The following ZNF346 variants were observed in gnomAD, a reference collection of about 807,000 sequenced individuals.
ZNF346 encodes zinc finger protein 346.
A neutral mutation model predicts 33.7 loss-of-function variants in ZNF346; 23 were observed. That is an observed-to-expected ratio of 0.68 (90% CI 0.49 to 0.97). The LOEUF is 0.97. Ranked by LOEUF, ZNF346 falls within the 50% of genes least tolerant of loss-of-function variation. The probability of loss-of-function intolerance (pLI) is 0.00; values close to 1 mark genes in which losing one functional copy is unlikely to be tolerated. For missense variants in ZNF346, 340 were observed against 371.1 expected (o/e 0.92, Z 0.69); for synonymous variants, 134 against 142.4 (o/e 0.94, Z 0.42).
chr5:177,062,846 A>G (rs1398003938), intron 6 of ZNF346, among the ~76,000 whole-genome samples: 2 of 152,192 alleles, frequency 1.3e-5, no homozygotes, highest in East Asian at 3.9e-4. Context: ...ACATATAGAC[A>G]ACCAGCATTC....
intron 1 of ZNF346, among the ~76,000 whole-genome samples, chr5:177,035,224 C>T (rs1429377783): frequency 2.6e-5 from 4 of 152,088 alleles, no homozygotes; most frequent in African/African-American, 7.2e-5. Flanking sequence ...GCCATGTTGG[C>T]GAGGCTGGTC....
chr5:177,026,352 A>AT (rs59380094), intron 1 of ZNF346, among the ~76,000 whole-genome samples: 4,539 of 101,856 alleles, frequency 0.045, 195 homozygotes, highest in African/African-American at 0.1. Flanking sequence ...TGGATTGGTA[A>AT]TTTTTTTTTT....
At chr5:177,023,723 C>T (rs1324403742) in intron 1 of ZNF346, among the ~76,000 whole-genome samples, 5 of 152,156 alleles carry the variant, frequency 3.3e-5, no homozygotes, top group Non-Finnish European at 7.3e-5. Flanking sequence ...CTGCTTGATG[C>T]TAACCCAGAT....
chr5:177,023,791 C>T (rs555792916), intron 1 of ZNF346, among the ~76,000 whole-genome samples: 3 of 152,168 alleles, frequency 2.0e-5, no homozygotes, highest in African/African-American at 7.2e-5. Context: ...GGAGGGAAAT[C>T]AGATTTCTCC....
rs997324990 is a variant in ZNF346, at chr5:177,051,012, G to A, written c.703+76G>A. The A allele has an allele frequency of 6.1e-5, 72 of 1,186,592 alleles. 1 individual carries two copies. The Middle Eastern group carries it at 1.7e-3, about 28-fold the overall frequency. 73.5% of individuals were successfully genotyped at this position (1,186,592 alleles called of 1,614,324 possible). ...GGCTACCCGGACCAGCTGACGTTGT[G>A]CTTTTCCTCCTTAGGTCTTGTAAGT... On this transcript the variant is annotated intron_variant, in intron 5 of 6. Coordinates refer to ENST00000358149, the MANE Select transcript of ZNF346 (RefSeq NM_012279.4).
chr5:177,063,981 CA>C, intron 6 of ZNF346, among the ~76,000 whole-genome samples: 1 of 152,280 alleles, frequency 6.6e-6, no homozygotes, highest in South Asian at 2.1e-4. Flanking sequence ...AATTTCTCAA[CA>C]AAAGGTCTGA....
rs73343923 is a variant in ZNF346, at chr5:177,026,448, G to A, written c.175+3535G>A. ...GATCTCAGCTCACTGCAGCCTCCCT[G>A]TCCCAGATTTAAGTGATTCTCCCGC... On this transcript the variant is annotated intron_variant, in intron 1 of 6. Coordinates refer to ENST00000358149, the MANE Select transcript of ZNF346 (RefSeq NM_012279.4). Among the ~76,000 whole-genome samples the A allele has an allele frequency of 7.4e-3, 1,055 of 141,870 alleles. 11 individuals carry two copies. Among genetic ancestry groups the A allele is most frequent in the African/African-American group, 0.026 (971 of 37,458 alleles). 93.1% of individuals were successfully genotyped at this position (141,870 alleles called of 152,430 possible).
chr5:177,062,846 A>C (rs1398003938), intron 6 of ZNF346, among the ~76,000 whole-genome samples: 1 of 152,192 alleles, frequency 6.6e-6, no homozygotes, highest in South Asian at 2.1e-4. Context: ...ACATATAGAC[A>C]ACCAGCATTC....
chr5:177,061,099 A>C (rs999455848), intron 5 of ZNF346, among the ~76,000 whole-genome samples: 6 of 94,886 alleles, frequency 6.3e-5, no homozygotes, highest in Non-Finnish European at 1.2e-4. Flanking sequence ...ACGACAGAGC[A>C]AGACTGTCTC....
chr5:177,056,031 G>A (rs1215801892), intron 5 of ZNF346, among the ~76,000 whole-genome samples: 1 of 146,644 alleles, frequency 6.8e-6, no homozygotes, highest in African/African-American at 2.5e-5. Flanking sequence ...AGCCAAGATC[G>A]TGTCACTGCA....
At chr5:177,039,348 T>C (rs1779031125) in intron 1 of ZNF346, among the ~76,000 whole-genome samples, 1 of 152,072 alleles carries the variant, frequency 6.6e-6, no homozygotes, top group South Asian at 2.1e-4. Context: ...GGGGCAGAAA[T>C]ACAGCCCTTC....
chr5:177,054,067 C>G (rs567723782), intron 5 of ZNF346, among the ~76,000 whole-genome samples: 78 of 142,034 alleles, frequency 5.5e-4, no homozygotes, highest in African/African-American at 2.0e-3. Context: ...GAATTGTTTA[C>G]TTCTGGAATT....
At chr5:177,043,196 G>T in intron 3 of ZNF346, among the ~76,000 whole-genome samples, 2 of 151,758 alleles carry the variant, frequency 1.3e-5, no homozygotes. Context: ...ACAGGGTCTC[G>T]CTTTGTTGCC....
At chr5:177,047,587 C>T (rs1259555172) in intron 4 of ZNF346, among the ~76,000 whole-genome samples, 2 of 152,114 alleles carry the variant, frequency 1.3e-5, no homozygotes, top group Non-Finnish European at 2.9e-5. Context: ...CTCACTGCAA[C>T]CTCCACCCTC....
At chr5:177,054,141 T>C (rs1781356224) in intron 5 of ZNF346, among the ~76,000 whole-genome samples, 1 of 151,834 alleles carries the variant, frequency 6.6e-6, no homozygotes, top group African/African-American at 2.4e-5. Flanking sequence ...TGCACAATTA[T>C]GGCTCACTGC....
intron 4 of ZNF346, among the ~76,000 whole-genome samples, chr5:177,047,080 G>A (rs994132545): frequency 1.3e-5 from 2 of 148,672 alleles, no homozygotes; most frequent in Admixed American, 6.6e-5. Flanking sequence ...ATGAAGTCTT[G>A]CTCTGTCACC....
downstream of ZNF346, among the ~76,000 whole-genome samples, chr5:177,070,176 G>A (rs533076647): frequency 2.0e-5 from 3 of 152,304 alleles, no homozygotes; most frequent in South Asian, 2.1e-4. Flanking sequence ...CCAGCAGTGT[G>A]TGGGAGCTCC....
At chr5:177,059,090 C>A (rs1782144557) in intron 5 of ZNF346, among the ~76,000 whole-genome samples, 1 of 152,204 alleles carries the variant, frequency 6.6e-6, no homozygotes, top group Non-Finnish European at 1.5e-5. Flanking sequence ...CAAGGCCATT[C>A]ATTCATTTAG....
At chr5:177,052,223 A>G (rs1325671683) in intron 5 of ZNF346, among the ~76,000 whole-genome samples, 1 of 151,426 alleles carries the variant, frequency 6.6e-6, no homozygotes, top group Admixed American at 6.6e-5. Flanking sequence ...GCTGGAGTAC[A>G]ATGACACCAT....
Sources: gnomAD v4.1 joint callset for allele counts (sites outside exome capture counted in the v4.1 genomes callset) on GRCh38, gnomAD v4.1.1 for gene constraint, MANE v1.5 for transcripts, NCBI Gene and HGNC (gene_info 2026-07-23, HGNC 2026-07-21) for gene names.